Variants in DIP2C observed in about 807,000 individuals in gnomAD.
DIP2C encodes DIP2 acetate--CoA ligase C (putative), also known as disco-interacting protein 2 homolog C.
DIP2C carries 33 observed loss-of-function variants against 192.4 expected under a neutral mutation model. That is an observed-to-expected ratio of 0.17 (90% confidence interval 0.13 to 0.23). The LOEUF is 0.23. DIP2C is among the 10% of genes least tolerant of loss of function. DIP2C has a pLI of 1.00. For synonymous variants in DIP2C, 979 were observed against 864.1 expected (o/e 1.13, Z -2.33); for missense variants, 1,537 against 2,110.1 (o/e 0.73, Z 5.32).
chr10:341,714 C>A (rs1003263237), intron 28 of DIP2C, among the ~76,000 whole-genome samples: 9 of 152,190 alleles, frequency 5.9e-5, no homozygotes, highest in Admixed American at 2.6e-4. Context: ...GACAATAAGG[C>A]CAAATGAAAT....
intron 17 of DIP2C, among the ~76,000 whole-genome samples, chr10:375,636 C>T (rs886581561): frequency 6.6e-5 from 10 of 152,164 alleles, no homozygotes; most frequent in African/African-American, 2.4e-4. Flanking sequence ...CCGCATAACA[C>T]CTTGAAGTAG....
At chr10:366,209 C>A in intron 19 of DIP2C, 66 bp downstream of exon 19, 1 of 1,587,442 alleles carries the variant, frequency 6.3e-7, no homozygotes, top group South Asian at 1.1e-5. Context: ...TCACTATGCA[C>A]CTGGCAAGGG....
At chr10:522,994 G>T (rs1219712221) in intron 1 of DIP2C, among the ~76,000 whole-genome samples, 1 of 152,028 alleles carries the variant, frequency 6.6e-6, no homozygotes, top group African/African-American at 2.4e-5. Context: ...GAGTGAGGAT[G>T]CACGGACTCT....
intron 36 of DIP2C, among the ~76,000 whole-genome samples, chr10:279,349 C>T (rs556617679): frequency 5.9e-5 from 9 of 152,246 alleles, no homozygotes; most frequent in African/African-American, 2.2e-4. Context: ...ATGGAATAGT[C>T]CTAGAGTATC....
At chr10:565,213 T>C (rs1030459658) in intron 1 of DIP2C, among the ~76,000 whole-genome samples, 1 of 152,094 alleles carries the variant, frequency 6.6e-6, no homozygotes, top group Non-Finnish European at 1.5e-5. Flanking sequence ...TAAGCGTGAA[T>C]GTCCTCTCTG....
intron 4 of DIP2C, among the ~76,000 whole-genome samples, chr10:427,540 T>TA (rs1280911991): frequency 6.6e-6 from 1 of 152,150 alleles, no homozygotes; most frequent in Non-Finnish European, 1.5e-5. Flanking sequence ...AAGGCACCTA[T>TA]AACCCATAAG....
intron 1 of DIP2C, among the ~76,000 whole-genome samples, chr10:530,465 G>GCCAA (rs1847298358): frequency 6.6e-6 from 1 of 151,986 alleles, no homozygotes; most frequent in East Asian, 1.9e-4. Flanking sequence ...TTTGTACAAG[G>GCCAA]CCAACCAGCC....
At chr10:385,905 C>T (rs1254246296) in intron 14 of DIP2C, among the ~76,000 whole-genome samples, 2 of 152,176 alleles carry the variant, frequency 1.3e-5, no homozygotes, top group East Asian at 3.9e-4. Flanking sequence ...TGCCGACTCC[C>T]CGCCACTCTG....
intron 1 of DIP2C, among the ~76,000 whole-genome samples, chr10:503,679 C>T (rs748343289): frequency 1.1e-4 from 17 of 152,206 alleles, no homozygotes; most frequent in Non-Finnish European, 1.0e-4. Flanking sequence ...AATATTCCTT[C>T]GGCTCTTACC....
At chr10:348,878 CT>C in intron 25 of DIP2C, 116 bp from the exon 26 acceptor site, 1 of 1,443,548 alleles carries the variant, frequency 6.9e-7, no homozygotes, top group Non-Finnish European at 9.4e-7. Context: ...AGCAGCTGAG[CT>C]TCTCACAGCC....
chr10:602,979 G>T (rs1158320842), intron 1 of DIP2C, among the ~76,000 whole-genome samples: 4 of 152,052 alleles, frequency 2.6e-5, no homozygotes, highest in African/African-American at 9.7e-5. Context: ...AGTGCTGGGT[G>T]ATTAACAATT....
At chr10:294,898 T>C (rs916828424) in intron 32 of DIP2C, among the ~76,000 whole-genome samples, 2 of 151,948 alleles carry the variant, frequency 1.3e-5, no homozygotes, top group African/African-American at 2.4e-5. Context: ...AAGAATACAT[T>C]TGCAAACTAC....
Position 336,948 on chromosome 10 carries a change from CGT to C in DIP2C, c.3584+4249_3584+4250del, listed in dbSNP as rs764208139. On this transcript the variant is annotated intron_variant, in intron 29 of 36. Coordinates refer to ENST00000280886, the MANE Select transcript of DIP2C (RefSeq NM_014974.3). ...GTGGAGGCCTAGACTGGTGTGTGCG[CGT>C]GTGTGTGTGTTGTGGAGGCCTAGGC... Among the ~76,000 whole-genome samples, 24 of 23,362 alleles carry C rather than the reference CGT, an allele frequency of 1.0e-3. 1 individual carries two copies. Among genetic ancestry groups the C allele is most frequent in the Admixed American group, 3.4e-3 (6 of 1,762 alleles). 15.3% of individuals were successfully genotyped at this position (23,362 alleles called of 152,430 possible).
Position 652,031 on chromosome 10 carries a change from G to C in DIP2C, c.85+37463C>G, listed in dbSNP as rs572189456. ...GGCAGGAACACTGTATTTTCTCCCT[G>C]AGTTTGGTTGAAAAAATTCACATAT... On this transcript the variant is annotated intron_variant, in intron 1 of 36. Transcript: ENST00000280886. The surrounding 1 kb of genome is among the most constrained non-coding windows in gnomAD (Gnocchi z 4.5). 1 of 159,056 alleles carries C rather than the reference G, an allele frequency of 6.3e-6. No homozygotes were observed. Among genetic ancestry groups the C allele is most frequent in the Non-Finnish European group, 1.4e-5 (1 of 72,624 alleles). 9.9% of individuals were successfully genotyped at this position (159,056 alleles called of 1,614,324 possible).
At position 363,297 on chromosome 10, in the gene DIP2C, G is replaced by A; in HGVS notation, c.2492C>T (p.Ser831Leu). 2 of 1,611,434 alleles carry A rather than the reference G, an allele frequency of 1.2e-6. No individual in the cohort carries two copies. Among genetic ancestry groups the A allele is most frequent in the Non-Finnish European group, 1.7e-6 (2 of 1,179,968 alleles). Residue 831 changes from serine to leucine, a missense_variant, in exon 21 of 37, where the codon TCG becomes TTG. By Grantham distance (145) the Ser-to-Leu change is moderately radical. Transcript: ENST00000280886. The surrounding 1 kb of genome is among the most constrained non-coding windows in gnomAD (Gnocchi z 5.4). ...FVYRGRIAVF[S>L]VTVLHDERIV... ...CCTCTCGTCGTGCAGCACGGTCACC[G>A]AGAACACGGCTATCCTGCGGGGACA...
At chr10:474,842 A>T (rs1367626579) in intron 2 of DIP2C, among the ~76,000 whole-genome samples, 1 of 152,108 alleles carries the variant, frequency 6.6e-6, no homozygotes. Context: ...ATCCTTATGT[A>T]ATACCCATTC....
At chr10:554,868 T>G (rs1224229612) in intron 1 of DIP2C, among the ~76,000 whole-genome samples, 8 of 134,394 alleles carry the variant, frequency 6.0e-5, no homozygotes, top group Admixed American at 5.4e-4. Flanking sequence ...GTGATGCAGG[T>G]GTGCCCGAGA....
chr10:553,613 G>A (rs914485199), intron 1 of DIP2C, among the ~76,000 whole-genome samples: 1 of 152,216 alleles, frequency 6.6e-6, no homozygotes, highest in East Asian at 1.9e-4. Flanking sequence ...GAATACTGTG[G>A]AATTAGGATT....
intron 1 of DIP2C, among the ~76,000 whole-genome samples, chr10:644,638 C>A (rs1432814806): frequency 6.6e-6 from 1 of 152,346 alleles, no homozygotes; most frequent in Non-Finnish European, 1.5e-5. Context: ...CACACAGAGG[C>A]AGACAGAATG....
Sources: allele counts gnomAD v4.1 joint callset (sites outside exome capture counted in the v4.1 genomes callset), GRCh38; gene constraint gnomAD v4.1.1; non-coding constraint Gnocchi (gnomAD v3.1); transcripts MANE v1.5; gene names NCBI Gene and HGNC (gene_info 2026-07-23, HGNC 2026-07-21).